The following NUAK2 variants were observed in gnomAD, a reference collection of about 807,000 sequenced individuals.
NUAK2 encodes the protein NUAK family kinase 2.
Under a neutral mutation model 29.8 loss-of-function variants are expected in NUAK2, and 20 were observed. The ratio of observed to expected loss-of-function variants is 0.67; its 90% CI spans 0.47 to 0.98. The LOEUF (loss-of-function observed/expected upper bound fraction) is 0.98. NUAK2 is among the 50% of genes least tolerant of loss of function. The pLI, the probability that NUAK2 is intolerant of heterozygous loss-of-function variation, is 0.00. For synonymous variants in NUAK2, 331 were observed against 342.6 expected (o/e 0.97, Z 0.37); for missense variants, 719 against 834.5 (o/e 0.86, Z 1.71).
At position 205,308,743 on chromosome 1, in the gene NUAK2, C is replaced by A. The variant is rs367700422; in HGVS notation, c.353-11G>T. 1 of 1,612,660 alleles carries A rather than the reference C, an allele frequency of 6.2e-7. No homozygotes were observed. Among genetic ancestry groups the A allele is most frequent in the African/African-American group, 1.3e-5 (1 of 74,900 alleles). On this transcript the variant is annotated splice_polypyrimidine_tract_variant and intron_variant, in intron 2 of 6. Coordinates refer to ENST00000367157, the MANE Select transcript of NUAK2 (RefSeq NM_030952.3). This position sits in a 1 kb window ranked among gnomAD's most constrained non-coding sequence, Gnocchi z 4.1. Reference sequence around the variant, plus strand: ...TGCTGTTCTCAAACACTGGGCAGAGCAAGGCAAGGAACGTCAGGCCCTCCC... The same window carrying A: ...TGCTGTTCTCAAACACTGGGCAGAGAAAGGCAAGGAACGTCAGGCCCTCCC...
Position 205,303,958 on chromosome 1 carries a change from T to C in NUAK2, c.1379A>G (p.Tyr460Cys). The C allele has an allele frequency of 6.2e-7, 1 of 1,613,346 alleles. No homozygotes were observed. The highest frequency in any genetic ancestry group is 8.5e-7 in the Non-Finnish European group (1 of 1,179,846). The change falls in exon 7 of 7, where the codon TAC becomes TGC. Residue 460 changes from tyrosine to cysteine, a missense_variant. Physicochemically the swap from Tyr to Cys is radical, Grantham distance 194 (BLOSUM62 -2). Coordinates refer to ENST00000367157, the MANE Select transcript of NUAK2 (RefSeq NM_030952.3). ...KKPRQRESGY[Y>C]SSPEPSESGE... ...AGATTCACTGGGCTCGGGAGAGGAG[T>C]AGTAGCCAGACTCGCGCTGTCGGGG... is the stretch of plus-strand genomic sequence containing the variant.
At position 205,308,448 on chromosome 1, in the gene NUAK2, A is replaced by G; in HGVS notation, c.504+133T>C. 1 of 1,016,986 alleles carries G rather than the reference A, an allele frequency of 9.8e-7. No homozygotes were observed. Among genetic ancestry groups the G allele is most frequent in the Non-Finnish European group, 1.5e-6 (1 of 679,586 alleles). The allele number at this position is 1,016,986 out of a possible 1,614,324, so 63.0% of individuals were successfully genotyped here. A position where few individuals can be genotyped will look rare whatever the true frequency, so the allele number is the denominator to read the frequency against. On this transcript the variant is annotated intron_variant, in intron 3 of 6. Coordinates refer to ENST00000367157, the MANE Select transcript of NUAK2 (RefSeq NM_030952.3). This position sits in a 1 kb window ranked among gnomAD's most constrained non-coding sequence, Gnocchi z 4.1. ...AGTCAGAGACACTGACATTTCCCTG[A>G]GAGTCCAGAATCTAGTTTTGCCTCT...
Position 205,303,374 on chromosome 1 carries a change from G to C in NUAK2, c.*76C>G, listed in dbSNP as rs1167441642. On this transcript the variant is annotated 3_prime_UTR_variant, in exon 7 of 7. Transcript: ENST00000367157. ...TGGGATGCAGGTCCTGGGAGGTGGGGGAGAAGGCATCTCCCCTCGGGGTGC... is the reference window on the plus strand; with the variant it reads ...TGGGATGCAGGTCCTGGGAGGTGGGCGAGAAGGCATCTCCCCTCGGGGTGC... The C allele has an allele frequency of 1.5e-6, 2 of 1,321,282 alleles. No individual in the cohort carries two copies. The highest frequency in any genetic ancestry group is 3.0e-5 in the African/African-American group (2 of 67,330). The allele number at this position is 1,321,282 out of a possible 1,614,324, so 81.8% of individuals were successfully genotyped here. A position where few individuals can be genotyped will look rare whatever the true frequency, so the allele number is the denominator to read the frequency against.
At chr1:205,314,224 C>G (rs909136202) in intron 1 of NUAK2, among the ~76,000 whole-genome samples, 1 of 152,224 alleles carries the variant, frequency 6.6e-6, no homozygotes, top group African/African-American at 2.4e-5. Context: ...ACTCCTCCCC[C>G]AGAGCTTCAT....
At chr1:205,320,074 C>A (rs1662389030) in intron 1 of NUAK2, among the ~76,000 whole-genome samples, 1 of 152,188 alleles carries the variant, frequency 6.6e-6, no homozygotes. Flanking sequence ...GAATAAATTA[C>A]TCTGGGTGTG....
At chr1:205,320,370 T>C (rs1662395252) in intron 1 of NUAK2, among the ~76,000 whole-genome samples, 1 of 152,184 alleles carries the variant, frequency 6.6e-6, no homozygotes, top group Non-Finnish European at 1.5e-5. Context: ...GTTCAGGCCA[T>C]TCTCCTGCCT....
chr1:205,314,798 G>C (rs1662303929), intron 1 of NUAK2, among the ~76,000 whole-genome samples: 1 of 152,140 alleles, frequency 6.6e-6, no homozygotes, highest in African/African-American at 2.4e-5. Flanking sequence ...GGCACATCTT[G>C]GATGTACAGT....
intron 1 of NUAK2, among the ~76,000 whole-genome samples, chr1:205,315,785 T>C (rs890177383): frequency 1.6e-4 from 24 of 152,040 alleles, no homozygotes; most frequent in African/African-American, 5.1e-4. Flanking sequence ...GGCACGAGAA[T>C]TGCTTGAACC....
chr1:205,306,317 T>C lies in NUAK2; in HGVS notation c.571-10A>G. The stretch of plus-strand genomic sequence containing the variant: ...GACCGAAGTCAGCAATCTGCAGGAT[T>C]GAGTCAAACACGGGCACAGGTCATG... On this transcript the variant is annotated splice_polypyrimidine_tract_variant and intron_variant, in intron 4 of 6. Transcript: ENST00000367157. 1 of 1,608,542 alleles carries C rather than the reference T, an allele frequency of 6.2e-7. No homozygotes were observed. Among genetic ancestry groups the C allele is most frequent in the Non-Finnish European group, 8.5e-7 (1 of 1,177,480 alleles).
rs768533126 is a variant in NUAK2, at chr1:205,303,730, G to T, written c.1607C>A (p.Ala536Asp). ...GCTCACAGCCCCTGAGGGTCGGCTG[G>T]CCCGGGCCAGGGGGCGAGGTGGGGC... ...ELAPPRPLAR[A>D]SRPSGAVSED... Residue 536 changes from alanine to aspartate, a missense_variant, in exon 7 of 7, where the codon GCC becomes GAC. By Grantham distance (126) the Ala-to-Asp change is moderately radical. Transcript: ENST00000367157. The T allele has an allele frequency of 1.9e-6, 3 of 1,539,288 alleles. No individual in the cohort carries two copies. The highest frequency in any genetic ancestry group is 1.7e-6 in the Non-Finnish European group (2 of 1,144,602).
chr1:205,321,744 G>T lies in NUAK2; in HGVS notation c.-116C>A, dbSNP rs1018223019. 7.4e-6 allele frequency: 6 copies of T among 805,526 alleles called. No individual in the cohort carries two copies. In the Middle Eastern group the frequency reaches 6.9e-4, roughly 93 times the overall value. 49.9% of individuals were successfully genotyped at this position (805,526 alleles called of 1,614,324 possible). On this transcript the variant is annotated 5_prime_UTR_variant, in exon 1 of 7. Coordinates refer to ENST00000367157, the MANE Select transcript of NUAK2 (RefSeq NM_030952.3). Reference sequence around the variant, plus strand: ...GGGAGCCACAGCAGTACCAGAGCGCGCAGTAAAGCACAGCATTCCAAGTTG... The same window carrying T: ...GGGAGCCACAGCAGTACCAGAGCGCTCAGTAAAGCACAGCATTCCAAGTTG...
At chr1:205,317,007 T>C (rs1239582953) in intron 1 of NUAK2, among the ~76,000 whole-genome samples, 1 of 152,100 alleles carries the variant, frequency 6.6e-6, no homozygotes, top group African/African-American at 2.4e-5. Flanking sequence ...CCATAGAGAT[T>C]TCCCTGCCTG....
chr1:205,319,098 A>T (rs1406514633), intron 1 of NUAK2, among the ~76,000 whole-genome samples: 1 of 127,172 alleles, frequency 7.9e-6, no homozygotes, highest in Non-Finnish European at 1.6e-5. Context: ...GACAGTCAAG[A>T]GGCAGGGGTG....
At position 205,304,205 on chromosome 1, in the gene NUAK2, G is replaced by A. The variant is rs770391840; in HGVS notation, c.1132C>T (p.Arg378Cys). 2.5e-6 allele frequency: 4 copies of A among 1,614,084 alleles called. No individual in the cohort carries two copies. The highest frequency in any genetic ancestry group is 2.7e-5 in the African/African-American group (2 of 74,930). ...LERQHSLKKS[R>C]KENDMAQSLH... is the part of the protein sequence containing the mutation. ...GACTGGGCCATGTCATTCTCCTTGCGGGACTTCTTGAGCGAATGCTGGCGC... is the reference window on the plus strand; with the variant it reads ...GACTGGGCCATGTCATTCTCCTTGCAGGACTTCTTGAGCGAATGCTGGCGC... The change falls in exon 7 of 7, where the codon CGC (arginine) becomes TGC (cysteine). Residue 378 changes from arginine (R) to cysteine (C), a missense_variant. Arg to Cys is a radical substitution (Grantham distance 180). Transcript: ENST00000367157. This position sits in a 1 kb window ranked among gnomAD's most constrained non-coding sequence, Gnocchi z 6.5.
At chr1:205,305,701 T>A (rs994157747) in intron 5 of NUAK2, among the ~76,000 whole-genome samples, 4 of 151,936 alleles carry the variant, frequency 2.6e-5, no homozygotes, top group African/African-American at 9.7e-5. Context: ...TTCTAGGGGT[T>A]TTTTTGGTTT....
chr1:205,302,956 C>T lies in NUAK2; in HGVS notation c.*494G>A, dbSNP rs1574888194. The T allele has an allele frequency of 2.0e-5, 3 of 152,330 alleles. 1 individual carries two copies. Among genetic ancestry groups the T allele is most frequent in the African/African-American group, 7.2e-5 (3 of 41,430 alleles). 9.4% of individuals were successfully genotyped at this position (152,330 alleles called of 1,614,324 possible). ...ACGAAGCGTTACTCCAGACCATTCC[C>T]AGGATGCCTCATGCACATTAGGGGT... is the stretch of plus-strand genomic sequence containing the variant. On this transcript the variant is annotated 3_prime_UTR_variant, in exon 7 of 7. Coordinates refer to ENST00000367157, the MANE Select transcript of NUAK2 (RefSeq NM_030952.3).
chr1:205,312,188 G>T (rs1333130037), intron 1 of NUAK2, among the ~76,000 whole-genome samples: 1 of 152,202 alleles, frequency 6.6e-6, no homozygotes, highest in Non-Finnish European at 1.5e-5. Context: ...AGCCAGTTTT[G>T]CTCACCACTG....
rs1662260035 is a variant in NUAK2 at position 205,311,720 on chromosome 1, T to C, written c.337A>G (p.Ile113Val). The change falls in exon 2 of 7, where the codon ATT becomes GTT. Residue 113 changes from isoleucine (I) to valine (V), a missense_variant. By Grantham distance (29) the Ile-to-Val change is conservative. This residue lies in a region of NUAK2 where 283 missense variants were observed against 345.6 expected (regional missense o/e 0.82). Coordinates refer to ENST00000367157, the MANE Select transcript of NUAK2 (RefSeq NM_030952.3). ...IMSSLNHPHI[I>V]AIHEVFENSS... ...CCCACTGTACCTTCATGGATGGCAA[T>C]GATGTGAGGGTGGTTGAGTGATGAC... 1.2e-6 allele frequency: 2 copies of C among 1,614,032 alleles called. No individual in the cohort carries two copies. Among genetic ancestry groups the C allele is most frequent in the Non-Finnish European group, 1.7e-6 (2 of 1,180,018 alleles).
In NUAK2 at chr1:205,304,218, C is replaced by T. The variant is rs115131502; in HGVS notation, c.1119G>A (p.Ser373=). 8.4e-4 allele frequency: 1,357 copies of T among 1,614,188 alleles called. 22 individuals carry two copies. In the East Asian group the frequency reaches 0.026, roughly 30 times the overall value. The part of the protein sequence containing the change: ...STTPGLERQH[S]LKKSRKENDM... ...CATTCTCCTTGCGGGACTTCTTGAG[C>T]GAATGCTGGCGCTCCAGGCCAGGGG... Residue 373 remains serine, a synonymous_variant, in exon 7 of 7, where the codon TCG becomes TCA. Coordinates refer to ENST00000367157, the MANE Select transcript of NUAK2 (RefSeq NM_030952.3). This position sits in a 1 kb window ranked among gnomAD's most constrained non-coding sequence, Gnocchi z 6.5.
Sources: allele counts gnomAD v4.1 joint callset (sites outside exome capture counted in the v4.1 genomes callset), GRCh38; gene constraint gnomAD v4.1.1; regional missense constraint gnomAD v4.1.1; non-coding constraint Gnocchi (gnomAD v3.1); transcripts MANE v1.5; gene names NCBI Gene and HGNC (gene_info 2026-07-23, HGNC 2026-07-21).